Variants in PAPPA observed in about 807,000 individuals in gnomAD.
The protein encoded by PAPPA is pappalysin-1.
A neutral mutation model predicts 164.0 loss-of-function variants in PAPPA; 60 were observed. The ratio of observed to expected loss-of-function variants is 0.37; its 90% CI spans 0.30 to 0.45. The LOEUF is 0.45. Among genes scored for constraint, PAPPA ranks in the 20% least tolerant of loss-of-function variants. The probability of loss-of-function intolerance (pLI) is 1.00; values close to 1 mark genes in which losing one functional copy is unlikely to be tolerated. For synonymous variants in PAPPA, 875 were observed against 814.1 expected (o/e 1.07, Z -1.27); for missense variants, 1,782 against 2,087.3 (o/e 0.85, Z 2.85).
chr9:116,205,343 T>C (rs1184416065), intron 2 of PAPPA, among the ~76,000 whole-genome samples: 1 of 152,194 alleles, frequency 6.6e-6, no homozygotes, highest in Non-Finnish European at 1.5e-5. Flanking sequence ...CCCCACCCTT[T>C]TTCTCTCTTG....
intron 9 of PAPPA, among the ~76,000 whole-genome samples, chr9:116,293,905 G>A (rs1845468981): frequency 6.6e-6 from 1 of 152,062 alleles, no homozygotes; most frequent in South Asian, 2.1e-4. Flanking sequence ...AGCCAAGATT[G>A]CACCATTGCA....
intron 7 of PAPPA, among the ~76,000 whole-genome samples, chr9:116,251,840 T>C (rs1844863625): frequency 6.6e-6 from 1 of 152,218 alleles, no homozygotes; most frequent in African/African-American, 2.4e-5. Context: ...GTGTGGAGTT[T>C]CCTCCAAACT....
intron 7 of PAPPA, among the ~76,000 whole-genome samples, chr9:116,259,211 C>T (rs1227836312): frequency 6.6e-6 from 1 of 151,406 alleles, no homozygotes; most frequent in Non-Finnish European, 1.5e-5. Flanking sequence ...AGGTAACAAA[C>T]AAAACCTTAA....
chr9:116,383,600 G>C (rs1348215017), intron 21 of PAPPA, among the ~76,000 whole-genome samples: 1 of 152,170 alleles, frequency 6.6e-6, no homozygotes, highest in Non-Finnish European at 1.5e-5. Context: ...TAGGAGAGTT[G>C]GTTTCTTCAA....
chr9:116,360,813 A>C (rs2118623225), intron 17 of PAPPA, among the ~76,000 whole-genome samples: 1 of 152,272 alleles, frequency 6.6e-6, no homozygotes, highest in African/African-American at 2.4e-5. Flanking sequence ...TGAGGATACA[A>C]GGTTGAATAG....
chr9:116,343,741 T>TTTTATTTA (rs1224868226), intron 13 of PAPPA, among the ~76,000 whole-genome samples: 84,146 of 141,876 alleles, frequency 0.59, 25,649 homozygotes, highest in East Asian at 0.76. Flanking sequence ...TACCACTTAT[T>TTTTATTTA]TTTATTTATT....
At chr9:116,384,785 C>A (rs1172566094) in intron 21 of PAPPA, among the ~76,000 whole-genome samples, 1 of 151,232 alleles carries the variant, frequency 6.6e-6, no homozygotes, top group East Asian at 1.9e-4. Flanking sequence ...CTATTTTCTT[C>A]CATTGGAGTC....
At chr9:116,328,271 TGCAA>T (rs1338506012) in intron 10 of PAPPA, among the ~76,000 whole-genome samples, 3 of 152,224 alleles carry the variant, frequency 2.0e-5, no homozygotes, top group Non-Finnish European at 4.4e-5. Flanking sequence ...AGATAGTTTA[TGCAA>T]AGTCTTGCGC....
At chr9:116,362,370 T>A (rs903925435) in intron 17 of PAPPA, among the ~76,000 whole-genome samples, 12 of 152,188 alleles carry the variant, frequency 7.9e-5, no homozygotes, top group African/African-American at 2.4e-4. Context: ...CTTGAACAAG[T>A]TTCTTCCTGG....
At chr9:116,382,183 G>A (rs765205709) in intron 20 of PAPPA, among the ~76,000 whole-genome samples, 2 of 152,136 alleles carry the variant, frequency 1.3e-5, no homozygotes, top group African/African-American at 4.8e-5. Context: ...CTGGGTAAGA[G>A]TCTTTATGAA....
rs73654677 is a variant in PAPPA, at chr9:116,223,967, A to G, written c.2112-3464A>G. ...GTGAAATGCCAAGCACACACACTCTATGTTCAAGAAACATCAGCTCCCATT... is the reference window on the plus strand; with the variant it reads ...GTGAAATGCCAAGCACACACACTCTGTGTTCAAGAAACATCAGCTCCCATT... On this transcript the variant is annotated intron_variant, in intron 5 of 21. Coordinates refer to ENST00000328252, the MANE Select transcript of PAPPA (RefSeq NM_002581.5). Among the ~76,000 whole-genome samples, 385 of 152,298 alleles carry G rather than the reference A, an allele frequency of 2.5e-3. 2 individuals are homozygous for G. Among genetic ancestry groups the G allele is most frequent in the African/African-American group, 7.8e-3 (324 of 41,566 alleles).
intron 2 of PAPPA, among the ~76,000 whole-genome samples, chr9:116,206,346 A>T (rs77047688): frequency 3.3e-5 from 5 of 152,214 alleles, no homozygotes; most frequent in East Asian, 3.9e-4. Context: ...GACACGCTAG[A>T]TCTCAGACGT....
chr9:116,196,673 A>G (rs1241254336), intron 2 of PAPPA, among the ~76,000 whole-genome samples: 2 of 152,190 alleles, frequency 1.3e-5, no homozygotes, highest in Non-Finnish European at 2.9e-5. Flanking sequence ...CATTTTGTTC[A>G]TGGGTTTGTT....
intron 7 of PAPPA, among the ~76,000 whole-genome samples, chr9:116,244,348 C>A (rs189724671): frequency 6.6e-6 from 1 of 152,190 alleles, no homozygotes; most frequent in Admixed American, 6.5e-5. Flanking sequence ...CAAACTGAGA[C>A]CCATAGAAGT....
intron 1 of PAPPA, among the ~76,000 whole-genome samples, chr9:116,159,410 G>C (rs1381645368): frequency 6.6e-6 from 1 of 152,122 alleles, no homozygotes; most frequent in Non-Finnish European, 1.5e-5. Context: ...TTGAGTTGCT[G>C]GGGAGTCTCT....
chr9:116,313,771 T>C (rs773676611), intron 10 of PAPPA, among the ~76,000 whole-genome samples: 1 of 152,172 alleles, frequency 6.6e-6, no homozygotes, highest in Non-Finnish European at 1.5e-5. Flanking sequence ...GAGGAACTAA[T>C]TGGTTTAATT....
chr9:116,378,647 C>T (rs541797947), intron 20 of PAPPA, among the ~76,000 whole-genome samples: 2 of 152,122 alleles, frequency 1.3e-5, no homozygotes, highest in Non-Finnish European at 2.9e-5. Context: ...TGATGGAATG[C>T]CAAAACTGGG....
At chr9:116,346,953 T>C (rs973916676) in intron 14 of PAPPA, 73 bp from the exon 15 acceptor site, 1 of 1,318,910 alleles carries the variant, frequency 7.6e-7, no homozygotes, top group Non-Finnish European at 1.0e-6. Flanking sequence ...GCCGTCACCT[T>C]GGGAAGAAGG....
intron 7 of PAPPA, among the ~76,000 whole-genome samples, chr9:116,244,100 A>G (rs1844768430): frequency 6.6e-6 from 1 of 152,136 alleles, no homozygotes; most frequent in African/African-American, 2.4e-5. Flanking sequence ...AGAATGAAAT[A>G]TGGGTTCTGG....
Sources: gnomAD v4.1 joint callset for allele counts (sites outside exome capture counted in the v4.1 genomes callset) on GRCh38, gnomAD v4.1.1 for gene constraint, MANE v1.5 for transcripts, NCBI Gene and HGNC (gene_info 2026-07-23, HGNC 2026-07-21) for gene names.